The following CSMD3 variants were observed in gnomAD, a reference collection of about 807,000 sequenced individuals.
CSMD3 encodes the protein CUB and sushi domain-containing protein 3.
CSMD3 carries 177 observed loss-of-function variants against 435.2 expected under a neutral mutation model. The ratio of observed to expected loss-of-function variants is 0.41; its 90% CI spans 0.36 to 0.46. The LOEUF (loss-of-function observed/expected upper bound fraction) is 0.46. Among genes scored for constraint, CSMD3 ranks in the 20% least tolerant of loss-of-function variants. The pLI is 0.34. For synonymous variants in CSMD3, 1,656 were observed against 1,520.5 expected (o/e 1.09, Z -2.07); for missense variants, 4,265 against 4,504.6 (o/e 0.95, Z 1.52).
At chr8:112,345,865 A>G (rs748560666) in intron 41 of CSMD3, among the ~76,000 whole-genome samples, 10 of 120,500 alleles carry the variant, frequency 8.3e-5, no homozygotes, top group Non-Finnish European at 1.4e-4. Flanking sequence ...AAATCAGAGT[A>G]AAAAAAAAAT....
chr8:112,704,958 T>G lies in CSMD3; in HGVS notation c.1973-14908A>C, dbSNP rs1177861237. On this transcript the variant is annotated intron_variant, in intron 13 of 70. Transcript: ENST00000297405. ...ATATAGTGGGAATGAATTTAAAAAA[T>G]CCACACTTCTTGATGATTATAAGTG... Among the ~76,000 whole-genome samples, 9 of 152,180 alleles carry G rather than the reference T, an allele frequency of 5.9e-5. No individual in the cohort carries two copies. In the South Asian group the frequency reaches 1.7e-3, roughly 28 times the overall value.
At chr8:112,551,690 T>C (rs1030470711) in intron 26 of CSMD3, among the ~76,000 whole-genome samples, 7 of 152,074 alleles carry the variant, frequency 4.6e-5, no homozygotes, top group African/African-American at 1.7e-4. Flanking sequence ...TGATATAGTG[T>C]AGTCTATTTT....
At chr8:113,020,140 G>A (rs1374386366) in intron 5 of CSMD3, among the ~76,000 whole-genome samples, 10 of 138,738 alleles carry the variant, frequency 7.2e-5, no homozygotes, top group Admixed American at 3.8e-4. Flanking sequence ...TCCGCAGTCC[G>A]GCCTGGGCGA....
At chr8:112,539,986 T>C (rs570678944) in intron 27 of CSMD3, among the ~76,000 whole-genome samples, 1 of 151,978 alleles carries the variant, frequency 6.6e-6, no homozygotes, top group Non-Finnish European at 1.5e-5. Context: ...GAGAAAATAT[T>C]TGCTAACTGC....
chr8:112,678,936 C>T (rs918451696), intron 16 of CSMD3, among the ~76,000 whole-genome samples: 2 of 151,284 alleles, frequency 1.3e-5, no homozygotes, highest in Non-Finnish European at 2.9e-5. Context: ...CAAAGATGAA[C>T]AATAATAAAT....
At chr8:113,270,585 AC>A (rs933565429) in intron 3 of CSMD3, among the ~76,000 whole-genome samples, 2 of 152,130 alleles carry the variant, frequency 1.3e-5, no homozygotes, top group Non-Finnish European at 2.9e-5. Context: ...CAAATGTCCA[AC>A]AATGATAGAC....
At chr8:113,203,385 C>G (rs1287198937) in intron 3 of CSMD3, among the ~76,000 whole-genome samples, 4 of 151,802 alleles carry the variant, frequency 2.6e-5, no homozygotes, top group Non-Finnish European at 5.9e-5. Flanking sequence ...ACTGCAGCCT[C>G]CACCATGGAC....
chr8:113,230,651 A>T (rs2093075325), intron 3 of CSMD3, among the ~76,000 whole-genome samples: 1 of 151,600 alleles, frequency 6.6e-6, no homozygotes, highest in Non-Finnish European at 1.5e-5. Flanking sequence ...TAAATGTTTA[A>T]CATTACACCA....
intron 27 of CSMD3, among the ~76,000 whole-genome samples, chr8:112,545,955 A>C (rs951220284): frequency 2.2e-4 from 33 of 152,194 alleles, no homozygotes; most frequent in African/African-American, 5.8e-4. Context: ...ATATGTGGAA[A>C]TGGAAATAAG....
intron 13 of CSMD3, among the ~76,000 whole-genome samples, chr8:112,754,197 C>T (rs2132116569): frequency 6.6e-6 from 1 of 152,188 alleles, no homozygotes; most frequent in African/African-American, 2.4e-5. Context: ...GTTGAGAAAC[C>T]TGATTTTAAA....
chr8:112,841,928 A>G lies in CSMD3; in HGVS notation c.1756-12139T>C, dbSNP rs1991133. On this transcript the variant is annotated intron_variant, in intron 11 of 70. Transcript: ENST00000297405. ...ATGTAATACTGAGCAAAGGAATTACACACATTTTTACACTTTGATATGTAC... is the reference window on the plus strand; with the variant it reads ...ATGTAATACTGAGCAAAGGAATTACGCACATTTTTACACTTTGATATGTAC... Among the ~76,000 whole-genome samples, 345 of 151,960 alleles carry G rather than the reference A, an allele frequency of 2.3e-3. 1 individual carries two copies. The highest frequency in any genetic ancestry group is 6.8e-3 in the Middle Eastern group (2 of 294).
chr8:112,253,363 A>G (rs1366930750), intron 63 of CSMD3, among the ~76,000 whole-genome samples: 1 of 151,972 alleles, frequency 6.6e-6, no homozygotes, highest in Non-Finnish European at 1.5e-5. Context: ...GACTGAAGGA[A>G]ATCAGAAGAA....
At chr8:113,034,591 G>T in intron 5 of CSMD3, among the ~76,000 whole-genome samples, 1 of 152,020 alleles carries the variant, frequency 6.6e-6, no homozygotes, top group Admixed American at 6.6e-5. Context: ...TAGGAGTGAA[G>T]AAAAACTTTT....
intron 63 of CSMD3, 64 bp from the exon 64 acceptor site, chr8:112,247,195 A>T: frequency 1.1e-6 from 1 of 944,660 alleles, no homozygotes; most frequent in Non-Finnish European, 1.7e-6. Flanking sequence ...CAACAAACAG[A>T]GCTTGAGTGA....
At chr8:113,098,130 T>C (rs886618462) in intron 5 of CSMD3, among the ~76,000 whole-genome samples, 4 of 152,064 alleles carry the variant, frequency 2.6e-5, no homozygotes, top group Admixed American at 6.6e-5. Flanking sequence ...AATCTTCACA[T>C]GGCTTAAAAG....
At chr8:112,836,297 TATTG>T (rs1359511702) in intron 11 of CSMD3, among the ~76,000 whole-genome samples, 5 of 151,884 alleles carry the variant, frequency 3.3e-5, no homozygotes, top group Non-Finnish European at 5.9e-5. Flanking sequence ...TGGCAGATGC[TATTG>T]ATTGCTTACC....
intron 7 of CSMD3, among the ~76,000 whole-genome samples, chr8:112,974,413 A>G (rs1052791277): frequency 2.0e-5 from 3 of 151,946 alleles, no homozygotes; most frequent in African/African-American, 7.2e-5. Flanking sequence ...GATGGGTAAT[A>G]AAATAATTTC....
chr8:112,473,693 C>T (rs1224027312), intron 31 of CSMD3, among the ~76,000 whole-genome samples: 2 of 54,912 alleles, frequency 3.6e-5, no homozygotes, highest in East Asian at 9.0e-4. Flanking sequence ...AGTTTTTCTG[C>T]CCCAGGTGTA....
At chr8:112,687,447 A>C (rs2131813801) in intron 14 of CSMD3, among the ~76,000 whole-genome samples, 1 of 152,236 alleles carries the variant, frequency 6.6e-6, no homozygotes, top group African/African-American at 2.4e-5. Context: ...GGCATAAATT[A>C]TTTGTTTTAA....
Sources: gnomAD v4.1 joint callset for allele counts (sites outside exome capture counted in the v4.1 genomes callset) on GRCh38, gnomAD v4.1.1 for gene constraint, MANE v1.5 for transcripts, NCBI Gene and HGNC (gene_info 2026-07-23, HGNC 2026-07-21) for gene names.